The following NAA40 variants were observed in gnomAD, a reference collection of about 807,000 sequenced individuals.
NAA40 encodes N-alpha-acetyltransferase 40, NatD catalytic subunit.
Under a neutral mutation model 36.6 loss-of-function variants are expected in NAA40, and 26 were observed. The ratio of observed to expected loss-of-function variants is 0.71; its 90% CI spans 0.52 to 0.98. The LOEUF (loss-of-function observed/expected upper bound fraction) is 0.98, where lower values mean the gene tolerates loss of function less well. NAA40 is among the 50% of genes least tolerant of loss of function. The probability of loss-of-function intolerance (pLI) is 0.00; values close to 1 mark genes in which losing one functional copy is unlikely to be tolerated. For synonymous variants in NAA40, 129 were observed against 108.4 expected (o/e 1.19, Z -1.18); for missense variants, 237 against 306.5 (o/e 0.77, Z 1.69).
rs771602567 is a variant in NAA40 at position 63,954,391 on chromosome 11, G to C, written c.626G>C (p.Cys209Ser). ...PSMSGCCGED[C>S]SYEILSRRTK... ...ATGTCCGGTTGCTGTGGGGAGGATT[G>C]CTCCTATGAGATCCTGAGCCGGAGG... is the stretch of plus-strand genomic sequence containing the variant. The change falls in exon 8 of 8, where the codon TGC (cysteine) becomes TCC (serine). Residue 209 changes from cysteine to serine, a missense_variant. Physicochemically the swap from Cys to Ser is moderately radical, Grantham distance 112. Coordinates refer to ENST00000377793, the MANE Select transcript of NAA40 (RefSeq NM_024771.4). 1.2e-6 allele frequency: 2 copies of C among 1,612,804 alleles called. No homozygotes were observed. The highest frequency in any genetic ancestry group is 4.5e-5 in the East Asian group (2 of 44,784).
chr11:63,941,897 G>A (rs924018499), intron 1 of NAA40, among the ~76,000 whole-genome samples: 2 of 152,090 alleles, frequency 1.3e-5, no homozygotes, highest in Non-Finnish European at 1.5e-5. Flanking sequence ...CCTTCCAGTC[G>A]TAGAACTGTG....
intron 3 of NAA40, among the ~76,000 whole-genome samples, chr11:63,950,962 G>C (rs991423497): frequency 6.6e-6 from 1 of 152,210 alleles, no homozygotes; most frequent in Non-Finnish European, 1.5e-5. Flanking sequence ...GTTAAGATAG[G>C]TGCAGTGCTG....
intron 2 of NAA40, chr11:63,946,422 C>A: frequency 1.6e-6 from 1 of 630,272 alleles, no homozygotes; most frequent in Non-Finnish European, 2.1e-6. Flanking sequence ...CCAGGATGGT[C>A]TTGAACTCCT....
At chr11:63,949,707 C>T (rs1942244866) in intron 3 of NAA40, among the ~76,000 whole-genome samples, 1 of 150,794 alleles carries the variant, frequency 6.6e-6, no homozygotes, top group Non-Finnish European at 1.5e-5. Context: ...ATTTTCTTAC[C>T]TGTCAAATAG....
rs375860713 is a variant in NAA40 at position 63,954,320 on chromosome 11, C to G, written c.573-18C>G. The G allele has an allele frequency of 6.4e-7, 1 of 1,572,156 alleles. No homozygotes were observed. The highest frequency in any genetic ancestry group is 1.4e-5 in the African/African-American group (1 of 73,856). On this transcript the variant is annotated intron_variant, in intron 7 of 7. Transcript: ENST00000377793. ...TCAGCTGCCTGCCACCAACCCTTTTCTCCTGCCTGCCTTGCAGATTTGAAA... is the reference window on the plus strand; with the variant it reads ...TCAGCTGCCTGCCACCAACCCTTTTGTCCTGCCTGCCTTGCAGATTTGAAA...
rs572518128 is a variant in NAA40, at chr11:63,954,448, C to T, written c.683C>T (p.Ala228Val). Reference sequence around the variant, plus strand: ...TTTGGGGACAGCCATCACTCCCACGCGGGTGGGCACTGTGGTGGCTGCTGC... The same window carrying T: ...TTTGGGGACAGCCATCACTCCCACGTGGGTGGGCACTGTGGTGGCTGCTGC... Reference protein sequence around the residue: ...TKFGDSHHSHAGGHCGGCCH With the variant: ...TKFGDSHHSHVGGHCGGCCH Residue 228 changes from alanine (A) to valine (V), a missense_variant, in exon 8 of 8, where the codon GCG (alanine) becomes GTG (valine). Coordinates refer to ENST00000377793, the MANE Select transcript of NAA40 (RefSeq NM_024771.4). 4.0e-5 allele frequency: 65 copies of T among 1,609,572 alleles called. No individual in the cohort carries two copies. Among genetic ancestry groups the T allele is most frequent in the East Asian group, 6.7e-5 (3 of 44,714 alleles).
intron 3 of NAA40, among the ~76,000 whole-genome samples, chr11:63,950,172 G>C (rs1460565117): frequency 1.4e-5 from 2 of 148,094 alleles, no homozygotes; most frequent in Middle Eastern, 3.3e-3. Flanking sequence ...AGGCTGGAGT[G>C]CAGTGGCACG....
In NAA40 at chr11:63,954,475, A is replaced by G. The variant is rs1260349695; in HGVS notation, c.710A>G (p.His237Arg). The change falls in exon 8 of 8, where the codon CAC becomes CGC. Residue 237 changes from histidine to arginine, a missense_variant. His to Arg is a conservative substitution (Grantham distance 29). Coordinates refer to ENST00000377793, the MANE Select transcript of NAA40 (RefSeq NM_024771.4). ...HAGGHCGGCC[H>R] is the part of the protein sequence containing the mutation. ...GGTGGGCACTGTGGTGGCTGCTGCC[A>G]CTGAACTCTCAGAGCCACTTTCAAG... 1 of 1,594,884 alleles carries G rather than the reference A, an allele frequency of 6.3e-7. No individual in the cohort carries two copies. Among genetic ancestry groups the G allele is most frequent in the East Asian group, 2.2e-5 (1 of 44,642 alleles).
intron 1 of NAA40, among the ~76,000 whole-genome samples, chr11:63,942,538 A>C (rs548108358): frequency 6.6e-6 from 1 of 152,340 alleles, no homozygotes; most frequent in East Asian, 1.9e-4. Context: ...TTTGATTCAA[A>C]ATCCCGCACT....
intron 5 of NAA40, 83 bp from the exon 6 acceptor site, chr11:63,952,673 A>G: frequency 6.2e-7 from 1 of 1,600,732 alleles, no homozygotes; most frequent in Non-Finnish European, 8.6e-7. Flanking sequence ...ATGAGCTGCC[A>G]AGGACTGCAA....
chr11:63,948,534 C>T lies in NAA40; in HGVS notation c.155+1531C>T, dbSNP rs1298857401. ...GAGATCGAGACCATCCTGGCTAACA[C>T]GGTAAAACCCCGTCTCTACTAAAAA... On this transcript the variant is annotated intron_variant, in intron 3 of 7. Transcript: ENST00000377793. Among the ~76,000 whole-genome samples, 13 of 151,620 alleles carry T rather than the reference C, an allele frequency of 8.6e-5. No homozygotes were observed. The South Asian group carries it at 2.7e-3, about 32-fold the overall frequency.
intron 1 of NAA40, among the ~76,000 whole-genome samples, chr11:63,940,427 C>G (rs75578294): frequency 6.6e-6 from 1 of 152,106 alleles, no homozygotes; most frequent in Non-Finnish European, 1.5e-5. Flanking sequence ...CTTCCAGCCC[C>G]GTCTTCGCTG....
In NAA40 at chr11:63,939,239, G is replaced by T; in HGVS notation, c.6+137G>T. ...GTGACCCCTGACCCCCACATGACCC[G>T]ACTCCCCCATTCTAAGGGTCCCTAC... On this transcript the variant is annotated intron_variant, in intron 1 of 7. Transcript: ENST00000377793. 4.1e-6 allele frequency: 5 copies of T among 1,227,626 alleles called. No homozygotes were observed. The South Asian group carries it at 8.6e-5, about 21-fold the overall frequency. 76.0% of individuals were successfully genotyped at this position (1,227,626 alleles called of 1,614,324 possible). A position where few individuals can be genotyped will look rare whatever the true frequency, so the allele number is the denominator to read the frequency against.
intron 1 of NAA40, 60 bp downstream of exon 1, chr11:63,939,162 C>T: frequency 6.5e-7 from 1 of 1,541,974 alleles, no homozygotes; most frequent in Non-Finnish European, 8.8e-7. Flanking sequence ...ACCCTCGCCC[C>T]CTTTGTTCTT....
At chr11:63,939,439 C>T (rs1267469773) in intron 1 of NAA40, 10 of 1,105,872 alleles carry the variant, frequency 9.0e-6, no homozygotes, top group African/African-American at 1.6e-5. Flanking sequence ...GGTCACTCAT[C>T]ACCTGGCTGT....
Position 63,947,020 on chromosome 11 carries a change from A to T in NAA40, c.155+17A>T, listed in dbSNP as rs550030510. ...TAGAAACGGGTGAGTCACATTGAGC[A>T]TTACCAACTGCTGTCTCCTCGAGTG... On this transcript the variant is annotated intron_variant, in intron 3 of 7. Coordinates refer to ENST00000377793, the MANE Select transcript of NAA40 (RefSeq NM_024771.4). 6.2e-7 allele frequency: 1 copy of T among 1,611,150 alleles called. No individual in the cohort carries two copies. The highest frequency in any genetic ancestry group is 8.5e-7 in the Non-Finnish European group (1 of 1,177,302).
intron 1 of NAA40, among the ~76,000 whole-genome samples, chr11:63,945,218 C>T (rs1320513269): frequency 6.6e-6 from 1 of 152,196 alleles, no homozygotes; most frequent in African/African-American, 2.4e-5. Context: ...TGGGCCCCTG[C>T]CCTCTGCCCT....
At chr11:63,942,443 G>T (rs1942123496) in intron 1 of NAA40, among the ~76,000 whole-genome samples, 1 of 152,162 alleles carries the variant, frequency 6.6e-6, no homozygotes, top group Non-Finnish European at 1.5e-5. Context: ...GAGAAATTTT[G>T]AGCAACTTGC....
At chr11:63,947,541 C>T (rs1433365019) in intron 3 of NAA40, among the ~76,000 whole-genome samples, 8 of 152,050 alleles carry the variant, frequency 5.3e-5, no homozygotes, top group Admixed American at 5.2e-4. Flanking sequence ...ACTGATGTCT[C>T]TTTAGATAAA....
Sources: allele counts gnomAD v4.1 joint callset (sites outside exome capture counted in the v4.1 genomes callset), GRCh38; gene constraint gnomAD v4.1.1; transcripts MANE v1.5; gene names NCBI Gene and HGNC (gene_info 2026-07-23, HGNC 2026-07-21).